Variants in HMG20A observed in about 807,000 individuals in gnomAD.
HMG20A encodes the protein high mobility group protein 20A.
In HMG20A, 17 loss-of-function variants were observed where a neutral mutation model predicts 43.9. That is an observed-to-expected ratio of 0.39 (90% CI 0.27 to 0.58). The LOEUF (loss-of-function observed/expected upper bound fraction) is 0.58. HMG20A is among the 20% of genes least tolerant of loss of function. The pLI is 0.59. For synonymous variants in HMG20A, 132 were observed against 147.5 expected (o/e 0.89, Z 0.76); for missense variants, 341 against 438.2 (o/e 0.78, Z 1.98).
intron 1 of HMG20A, among the ~76,000 whole-genome samples, chr15:77,452,078 A>G (rs1400046874): frequency 2.6e-5 from 4 of 152,186 alleles, no homozygotes; most frequent in African/African-American, 9.7e-5. Context: ...AAAGACACAT[A>G]ATCTGCAAAA....
rs1250251435 is a variant in HMG20A at position 77,468,581 on chromosome 15, T to TCA, written c.450+1275_450+1276insAC. Among the ~76,000 whole-genome samples the TCA allele has an allele frequency of 2.1e-5, 3 of 140,500 alleles. No homozygotes were observed. In the South Asian group the frequency reaches 6.7e-4, roughly 31 times the overall value. 92.2% of individuals were successfully genotyped at this position (140,500 alleles called of 152,430 possible). ...TTTGCATGCTCAGTCTTTCTCTCTC[T>TCA]CTCTCTCTCTCTCTGTCACACACAC... On this transcript the variant is annotated intron_variant, in intron 4 of 9. Coordinates refer to ENST00000336216, the MANE Select transcript of HMG20A (RefSeq NM_001304504.2).
chr15:77,441,241 C>CT (rs2073609931), intron 1 of HMG20A, among the ~76,000 whole-genome samples: 1 of 152,096 alleles, frequency 6.6e-6, no homozygotes, highest in East Asian at 1.9e-4. Context: ...TCTAGGCAGT[C>CT]TGACTCCAGA....
chr15:77,447,716 CAG>C (rs903514290), intron 1 of HMG20A: 3 of 152,166 alleles, frequency 2.0e-5, no homozygotes, highest in African/African-American at 4.8e-5. Flanking sequence ...TTTTCGAAAA[CAG>C]AGTCTCTACA....
intron 1 of HMG20A, 76 bp downstream of exon 1, chr15:77,421,080 G>A (rs2073314688): frequency 1.5e-5 from 6 of 395,492 alleles, no homozygotes; most frequent in Admixed American, 4.4e-5. Flanking sequence ...CCCTCTTTTG[G>A]TGGTGGTGGT....
chr15:77,457,098 G>A (rs183144428), intron 1 of HMG20A, among the ~76,000 whole-genome samples: 1 of 152,104 alleles, frequency 6.6e-6, no homozygotes, highest in African/African-American at 2.4e-5. Flanking sequence ...TATGGAACTT[G>A]GCCTGCTAAA....
chr15:77,502,838 C>G, the HMG20A span, among the ~76,000 whole-genome samples: 1 of 152,134 alleles, frequency 6.6e-6, no homozygotes, highest in African/African-American at 2.4e-5. Context: ...GGCGTGATGG[C>G]ATGCCCCTGG....
At chr15:77,496,677 C>A in the HMG20A span, among the ~76,000 whole-genome samples, 1 of 152,236 alleles carries the variant, frequency 6.6e-6, no homozygotes, top group Non-Finnish European at 1.5e-5. Context: ...TTCCCCCTCT[C>A]TGCATGTCGG....
the HMG20A span, among the ~76,000 whole-genome samples, chr15:77,503,217 G>T: frequency 6.6e-6 from 1 of 152,156 alleles, no homozygotes; most frequent in African/African-American, 2.4e-5. Flanking sequence ...AGAGCTTATG[G>T]GGAGAGGGGG....
chr15:77,450,280 A>G (rs867646996), intron 1 of HMG20A, among the ~76,000 whole-genome samples: 2 of 152,014 alleles, frequency 1.3e-5, no homozygotes, highest in Non-Finnish European at 2.9e-5. Context: ...ACAGGCGCCC[A>G]CCACCACACC....
chr15:77,428,810 A>G (rs1207580555), intron 1 of HMG20A, among the ~76,000 whole-genome samples: 5 of 152,098 alleles, frequency 3.3e-5, no homozygotes, highest in African/African-American at 1.2e-4. Context: ...ACAAAAAAAT[A>G]AAAAATAGCC....
intron 1 of HMG20A, among the ~76,000 whole-genome samples, chr15:77,449,830 A>G (rs994953816): frequency 1.3e-5 from 2 of 152,186 alleles, no homozygotes; most frequent in African/African-American, 4.8e-5. Context: ...TAGTTTACAT[A>G]GTGTCCATCA....
chr15:77,429,261 A>C (rs900310416), intron 1 of HMG20A, among the ~76,000 whole-genome samples: 1 of 151,956 alleles, frequency 6.6e-6, no homozygotes. Flanking sequence ...TCTGTCTCCC[A>C]GGCTGGAGTG....
the HMG20A span, among the ~76,000 whole-genome samples, chr15:77,516,211 C>T: frequency 6.6e-6 from 1 of 152,198 alleles, no homozygotes; most frequent in East Asian, 1.9e-4. Context: ...AAACAAGAAG[C>T]ACACGGCTGG....
At chr15:77,438,916 G>A (rs902067158) in intron 1 of HMG20A, among the ~76,000 whole-genome samples, 23 of 151,818 alleles carry the variant, frequency 1.5e-4, no homozygotes, top group Admixed American at 3.3e-4. Flanking sequence ...TCAGCCTCCC[G>A]AGTAGCTGGG....
chr15:77,440,616 C>T (rs1595915821), intron 1 of HMG20A, among the ~76,000 whole-genome samples: 1 of 152,092 alleles, frequency 6.6e-6, no homozygotes, highest in Non-Finnish European at 1.5e-5. Flanking sequence ...CTTAGACAAC[C>T]AGGCGGATGT....
At chr15:77,422,445 G>A (rs544220790) in intron 1 of HMG20A, among the ~76,000 whole-genome samples, 24 of 152,048 alleles carry the variant, frequency 1.6e-4, no homozygotes, top group Non-Finnish European at 2.5e-4. Flanking sequence ...GTGAAACCCC[G>A]TCTCTACTAA....
rs71145838 is a variant in HMG20A at position 77,465,400 on chromosome 15, G to GTTT, written c.237+1024_237+1026dup. The stretch of plus-strand genomic sequence containing the variant: ...AAATTAAATTGTTCTGTTGTTTTTT[G>GTTT]TTTTTTTTTTTTTGAGGTGGAGTCT... On this transcript the variant is annotated intron_variant, in intron 3 of 9. Transcript: ENST00000336216. 1.3e-3 allele frequency among the ~76,000 whole-genome samples: 172 copies of GTTT among 137,370 alleles called. 2 individuals are homozygous for GTTT. The highest frequency in any genetic ancestry group is 3.5e-3 in the South Asian group (15 of 4,320). The allele number at this position is 137,370 out of a possible 152,430, so 90.1% of individuals were successfully genotyped here.
At chr15:77,427,366 A>T (rs1172251958) in intron 1 of HMG20A, among the ~76,000 whole-genome samples, 1 of 152,096 alleles carries the variant, frequency 6.6e-6, no homozygotes, top group Non-Finnish European at 1.5e-5. Flanking sequence ...TTTTCTGAAG[A>T]TAAAATCTTA....
chr15:77,456,679 GTA>G (rs995110098), intron 1 of HMG20A, among the ~76,000 whole-genome samples: 1 of 150,224 alleles, frequency 6.7e-6, no homozygotes, highest in Non-Finnish European at 1.5e-5. Flanking sequence ...GTTCCCTAAG[GTA>G]TATACCTGGC....
Sources: gnomAD v4.1 joint callset for allele counts (sites outside exome capture counted in the v4.1 genomes callset) on GRCh38, gnomAD v4.1.1 for gene constraint, MANE v1.5 for transcripts, NCBI Gene and HGNC (gene_info 2026-07-23, HGNC 2026-07-21) for gene names.